The following SKAP2 variants were observed in gnomAD, a reference collection of about 807,000 sequenced individuals.
SKAP2 encodes src kinase-associated phosphoprotein 2.
Under a neutral mutation model 54.9 loss-of-function variants are expected in SKAP2, and 28 were observed. The ratio of observed to expected loss-of-function variants is 0.51; its 90% CI spans 0.38 to 0.70. The LOEUF (loss-of-function observed/expected upper bound fraction) is 0.70, where lower values mean the gene tolerates loss of function less well. SKAP2 is among the 30% of genes least tolerant of loss of function. The pLI, the probability that SKAP2 is intolerant of heterozygous loss-of-function variation, is 0.00. For synonymous variants in SKAP2, 137 were observed against 134.3 expected (o/e 1.02, Z -0.14); for missense variants, 356 against 424.1 (o/e 0.84, Z 1.41).
intron 4 of SKAP2, among the ~76,000 whole-genome samples, chr7:26,832,374 T>C (rs1784613237): frequency 1.3e-5 from 2 of 152,336 alleles, no homozygotes; most frequent in South Asian, 2.1e-4. Context: ...CTTTGACTGG[T>C]AGCCAGGGAG....
intron 4 of SKAP2, among the ~76,000 whole-genome samples, chr7:26,753,268 T>G (rs970222367): frequency 1.3e-5 from 2 of 152,130 alleles, no homozygotes; most frequent in Non-Finnish European, 2.9e-5. Flanking sequence ...TCACTGGAAT[T>G]TGAGCAAGGG....
At chr7:26,768,637 T>C (rs996488899) in intron 4 of SKAP2, among the ~76,000 whole-genome samples, 1 of 152,252 alleles carries the variant, frequency 6.6e-6, no homozygotes, top group African/African-American at 2.4e-5. Flanking sequence ...TCAGGAGCTC[T>C]TGTAAGGCAG....
chr7:26,780,387 T>C (rs1031513429), intron 4 of SKAP2, among the ~76,000 whole-genome samples: 15 of 152,212 alleles, frequency 9.9e-5, no homozygotes, highest in Non-Finnish European at 1.6e-4. Flanking sequence ...ATAATTTCCA[T>C]TGTTGCATAG....
At chr7:26,716,938 TAATC>T (rs1178840312) in intron 9 of SKAP2, among the ~76,000 whole-genome samples, 2 of 152,220 alleles carry the variant, frequency 1.3e-5, no homozygotes, top group Non-Finnish European at 2.9e-5. Flanking sequence ...TATTTTAAAA[TAATC>T]AATAAAGTTA....
At chr7:26,774,407 T>A (rs1008936406) in intron 4 of SKAP2, among the ~76,000 whole-genome samples, 2 of 151,654 alleles carry the variant, frequency 1.3e-5, no homozygotes, top group Non-Finnish European at 2.9e-5. Context: ...CCCCACATAA[T>A]ATGCAAAAGG....
intron 4 of SKAP2, among the ~76,000 whole-genome samples, chr7:26,812,742 T>G (rs1041864594): frequency 6.6e-6 from 1 of 152,140 alleles, no homozygotes; most frequent in Non-Finnish European, 1.5e-5. Flanking sequence ...TCATCTATGG[T>G]CGTATCACTT....
intron 4 of SKAP2, among the ~76,000 whole-genome samples, chr7:26,749,776 A>G (rs1782641733): frequency 1.3e-5 from 2 of 149,156 alleles, no homozygotes; most frequent in Non-Finnish European, 3.0e-5. Flanking sequence ...TAATAATAAT[A>G]ATAATAATAG....
chr7:26,769,903 G>T (rs966821343), intron 4 of SKAP2, among the ~76,000 whole-genome samples: 1 of 152,180 alleles, frequency 6.6e-6, no homozygotes, highest in Admixed American at 6.5e-5. Flanking sequence ...CTGCTGGGAG[G>T]TGTCTCCCAG....
At chr7:26,683,245 T>C (rs1786545240) in intron 11 of SKAP2, among the ~76,000 whole-genome samples, 1 of 152,234 alleles carries the variant, frequency 6.6e-6, no homozygotes, top group South Asian at 2.1e-4. Context: ...ATTTCTTTAT[T>C]AAGTAGTTAA....
downstream of SKAP2, among the ~76,000 whole-genome samples, chr7:26,662,414 T>A (rs903167803): frequency 2.6e-5 from 4 of 152,092 alleles, no homozygotes; most frequent in African/African-American, 9.7e-5. Flanking sequence ...TCAGAGAACC[T>A]TTTATGTCTT....
intron 4 of SKAP2, among the ~76,000 whole-genome samples, chr7:26,750,651 G>A (rs149400246): frequency 6.6e-6 from 1 of 152,038 alleles, no homozygotes; most frequent in Non-Finnish European, 1.5e-5. Context: ...TGTTTCATCT[G>A]TAAGATTTTG....
chr7:26,802,383 T>C (rs1309639577), intron 4 of SKAP2, among the ~76,000 whole-genome samples: 1 of 150,610 alleles, frequency 6.6e-6, no homozygotes, highest in Non-Finnish European at 1.5e-5. Context: ...GCGATTCTCC[T>C]GCCTCAGCCT....
chr7:26,715,996 T>C (rs1427764100), intron 9 of SKAP2, among the ~76,000 whole-genome samples: 1 of 152,240 alleles, frequency 6.6e-6, no homozygotes, highest in Admixed American at 6.5e-5. Context: ...AATTTAATTG[T>C]AGTTAAAGAC....
At chr7:26,766,975 G>A (rs542361988) in intron 4 of SKAP2, among the ~76,000 whole-genome samples, 2 of 152,240 alleles carry the variant, frequency 1.3e-5, no homozygotes, top group African/African-American at 4.8e-5. Context: ...AGATGATGCT[G>A]GCCTCATAAA....
chr7:26,844,863 TC>T (rs1784891880), intron 3 of SKAP2, among the ~76,000 whole-genome samples: 1 of 152,200 alleles, frequency 6.6e-6, no homozygotes, highest in Admixed American at 6.5e-5. Context: ...GATTTTCAAA[TC>T]CTAGGTTCGT....
At chr7:26,681,648 A>G (rs1022068540) in intron 11 of SKAP2, among the ~76,000 whole-genome samples, 2 of 152,202 alleles carry the variant, frequency 1.3e-5, no homozygotes, top group Non-Finnish European at 2.9e-5. Context: ...TGGTATTTCA[A>G]ATTATAAATG....
chr7:26,806,178 G>C (rs1035967884), intron 4 of SKAP2, among the ~76,000 whole-genome samples: 3 of 152,092 alleles, frequency 2.0e-5, no homozygotes, highest in Non-Finnish European at 2.9e-5. Flanking sequence ...CCTATTCCCT[G>C]AGACATAACA....
At chr7:26,821,060 T>A (rs1005130702) in intron 4 of SKAP2, among the ~76,000 whole-genome samples, 1 of 152,314 alleles carries the variant, frequency 6.6e-6, no homozygotes, top group African/African-American at 2.4e-5. Context: ...TACAATAATC[T>A]GTGCATTTGA....
At chr7:26,807,000 G>C (rs950372322) in intron 4 of SKAP2, among the ~76,000 whole-genome samples, 10 of 152,154 alleles carry the variant, frequency 6.6e-5, no homozygotes, top group Admixed American at 5.9e-4. Flanking sequence ...AGATATGATG[G>C]AAATAGCAAG....
Sources: allele counts gnomAD v4.1 joint callset (sites outside exome capture counted in the v4.1 genomes callset), GRCh38; gene constraint gnomAD v4.1.1; transcripts MANE v1.5; gene names NCBI Gene and HGNC (gene_info 2026-07-23, HGNC 2026-07-21).